Variants in SHISAL1 observed in about 807,000 individuals in gnomAD.
SHISAL1 encodes the protein shisa like 1.
SHISAL1 carries 9 observed loss-of-function variants against 22.6 expected under a neutral mutation model. That is an observed-to-expected ratio of 0.40 (90% confidence interval 0.24 to 0.70). SHISAL1 has a LOEUF of 0.70. SHISAL1 is among the 30% of genes least tolerant of loss of function. SHISAL1 has a pLI of 0.39. For synonymous variants in SHISAL1, 119 were observed against 115.4 expected, an observed-to-expected ratio of 1.03 and a Z score of -0.20; for missense variants, 246 against 270.6, an observed-to-expected ratio of 0.91 and a Z score of 0.64.
intron 3 of SHISAL1, 63 bp downstream of exon 3, chr22:44,296,609 G>T: frequency 6.7e-7 from 1 of 1,489,352 alleles, no homozygotes; most frequent in Non-Finnish European, 9.3e-7. Flanking sequence ...ACGCGATTTT[G>T]GGAGGCAGGC....
chr22:44,327,178 T>C, the SHISAL1 span, among the ~76,000 whole-genome samples: 1 of 151,860 alleles, frequency 6.6e-6, no homozygotes, highest in Non-Finnish European at 1.5e-5. Context: ...GGCCTGCTGC[T>C]GGCACTGTCT....
intron 1 of SHISAL1, among the ~76,000 whole-genome samples, chr22:44,309,570 G>C (rs1049856513): frequency 6.6e-6 from 1 of 152,098 alleles, no homozygotes; most frequent in Non-Finnish European, 1.5e-5. Context: ...TGGAGAATGT[G>C]GGGCTCGGAG....
At chr22:44,282,251 C>T (rs1258607612) in intron 4 of SHISAL1, among the ~76,000 whole-genome samples, 1 of 152,232 alleles carries the variant, frequency 6.6e-6, no homozygotes, top group Non-Finnish European at 1.5e-5. Flanking sequence ...ATCTGCTCCC[C>T]GCCCACCGTG....
At chr22:44,319,419 G>C in the SHISAL1 span, among the ~76,000 whole-genome samples, 1 of 152,216 alleles carries the variant, frequency 6.6e-6, no homozygotes, top group Admixed American at 6.5e-5. Flanking sequence ...TTGGCCCTTG[G>C]GGATGAAGGG....
At chr22:44,273,107 C>A (rs904312559) in intron 4 of SHISAL1, among the ~76,000 whole-genome samples, 3 of 148,110 alleles carry the variant, frequency 2.0e-5, no homozygotes, top group Admixed American at 1.4e-4. Flanking sequence ...AAAAAAAAAA[C>A]AAAAAAAACC....
chr22:44,294,070 C>T (rs1275359085), intron 3 of SHISAL1, among the ~76,000 whole-genome samples: 1 of 152,230 alleles, frequency 6.6e-6, no homozygotes, highest in Non-Finnish European at 1.5e-5. Context: ...TGGCGTTCAG[C>T]CAGAACTTGC....
At chr22:44,255,264 A>G (rs1271419099) in intron 4 of SHISAL1, among the ~76,000 whole-genome samples, 1 of 152,020 alleles carries the variant, frequency 6.6e-6, no homozygotes, top group East Asian at 1.9e-4. Flanking sequence ...TTGACCCTCA[A>G]ACTCTCACCT....
chr22:44,256,192 G>C (rs1368793016), intron 4 of SHISAL1, among the ~76,000 whole-genome samples: 55 of 124,424 alleles, frequency 4.4e-4, no homozygotes, highest in Middle Eastern at 8.0e-3. Flanking sequence ...TCTCAGGACT[G>C]GAACTCACAC....
At chr22:44,270,067 C>CT (rs1433166985) in intron 4 of SHISAL1, among the ~76,000 whole-genome samples, 2 of 152,248 alleles carry the variant, frequency 1.3e-5, no homozygotes, top group Non-Finnish European at 2.9e-5. Context: ...TAGCCTCCCC[C>CT]TGGGCCTCCC....
At chr22:44,298,143 G>C (rs2055400812) in intron 2 of SHISAL1, among the ~76,000 whole-genome samples, 3 of 152,204 alleles carry the variant, frequency 2.0e-5, no homozygotes. Context: ...TCAGCTTTTG[G>C]GGAACCAGGG....
chr22:44,253,423 G>A (rs2055062357), intron 4 of SHISAL1, among the ~76,000 whole-genome samples: 1 of 119,766 alleles, frequency 8.3e-6, no homozygotes. Flanking sequence ...TAGTATTAGT[G>A]CATGTTTTTT....
the SHISAL1 span, among the ~76,000 whole-genome samples, chr22:44,321,433 T>C: frequency 4.6e-5 from 7 of 152,196 alleles, no homozygotes; most frequent in South Asian, 1.4e-3. Flanking sequence ...CCTCCTTGGA[T>C]GCTGCCTCCT....
rs1041876296 is a variant in SHISAL1, at chr22:44,248,929, A to C, written c.*756T>G. 1.3e-5 allele frequency: 2 copies of C among 152,116 alleles called. No individual in the cohort carries two copies. The highest frequency in any genetic ancestry group is 2.9e-5 in the Non-Finnish European group (2 of 68,022). The allele number at this position is 152,116 out of a possible 1,614,324, so 9.4% of individuals were successfully genotyped here. A position where few individuals can be genotyped will look rare whatever the true frequency, so the allele number is the denominator to read the frequency against. On this transcript the variant is annotated 3_prime_UTR_variant, in exon 5 of 5. Coordinates refer to ENST00000381176, the MANE Select transcript of SHISAL1 (RefSeq NM_001099294.2). ...AGGTGGTGAGAGAGGGAGTGCATGAAAACACTTAACTTGGCACCTGCCCTG... is the reference window on the plus strand; with the variant it reads ...AGGTGGTGAGAGAGGGAGTGCATGACAACACTTAACTTGGCACCTGCCCTG...
Position 44,285,697 on chromosome 22 carries a change from C to T in SHISAL1, c.330G>A (p.Leu110=). Residue 110 remains leucine (L), a synonymous_variant, in exon 4 of 5, where the codon TTG becomes TTA. Coordinates refer to ENST00000381176, the MANE Select transcript of SHISAL1 (RefSeq NM_001099294.2). ...LGVWIYGFFV[L]MLLVLDLLYY... ...ACAAAAGGTCCAGAACCAGCAGCAT[C>T]AACACGAAAAATCCATAGATCCACA... 6.2e-7 allele frequency: 1 copy of T among 1,613,716 alleles called. No individual in the cohort carries two copies. Among genetic ancestry groups the T allele is most frequent in the South Asian group, 1.1e-5 (1 of 91,014 alleles).
the SHISAL1 span, among the ~76,000 whole-genome samples, chr22:44,320,282 G>C: frequency 6.6e-6 from 1 of 152,220 alleles, no homozygotes; most frequent in Non-Finnish European, 1.5e-5. Flanking sequence ...CCATGTCTGA[G>C]TTCCTATACA....
intron 3 of SHISAL1, among the ~76,000 whole-genome samples, chr22:44,287,832 T>A (rs1289320812): frequency 6.6e-6 from 1 of 152,064 alleles, no homozygotes. Flanking sequence ...CAGGCCCTCC[T>A]GCTTTCCCCA....
chr22:44,313,854 T>C (rs2055539232), upstream of SHISAL1, among the ~76,000 whole-genome samples: 1 of 152,054 alleles, frequency 6.6e-6, no homozygotes, highest in South Asian at 2.1e-4. Context: ...GAAATAAACC[T>C]CCTTTTTCCA....
rs1488121700 is a variant in SHISAL1 at position 44,249,438 on chromosome 22, T to C, written c.*247A>G. Reference sequence around the variant, plus strand: ...CCTCTCAGAAGCCACCAGCCCAAAATAGGACTATTGCTTGCGGACAGGTGG... The same window carrying C: ...CCTCTCAGAAGCCACCAGCCCAAAACAGGACTATTGCTTGCGGACAGGTGG... On this transcript the variant is annotated 3_prime_UTR_variant, in exon 5 of 5. Coordinates refer to ENST00000381176, the MANE Select transcript of SHISAL1 (RefSeq NM_001099294.2). The C allele has an allele frequency of 3.5e-5, 16 of 460,306 alleles. No individual in the cohort carries two copies. Among genetic ancestry groups the C allele is most frequent in the African/African-American group, 8.1e-5 (4 of 49,618 alleles). 28.5% of individuals were successfully genotyped at this position (460,306 alleles called of 1,614,324 possible).
chr22:44,271,263 T>C lies in SHISAL1; in HGVS notation c.599+14165A>G, dbSNP rs118167270. ...CCAGCCCAGGCAGCTCCAGAGCCCA[T>C]TGTTCCTGCCTGCCCCCACCTGCAG... On this transcript the variant is annotated intron_variant, in intron 4 of 4. Coordinates refer to ENST00000381176, the MANE Select transcript of SHISAL1 (RefSeq NM_001099294.2). Among the ~76,000 whole-genome samples the C allele has an allele frequency of 1.4e-3, 220 of 152,294 alleles. 5 individuals carry two copies. The East Asian group carries it at 0.039, about 27-fold the overall frequency.
Sources: gnomAD v4.1 joint callset for allele counts (sites outside exome capture counted in the v4.1 genomes callset) on GRCh38, gnomAD v4.1.1 for gene constraint, MANE v1.5 for transcripts, NCBI Gene and HGNC (gene_info 2026-07-23, HGNC 2026-07-21) for gene names.